COL5A2: variants seen among roughly 807,000 people sequenced by gnomAD.
COL5A2 encodes the protein collagen type V alpha 2 chain.
In COL5A2, 23 loss-of-function variants were observed where a neutral mutation model predicts 208.2. The observed-to-expected ratio is 0.11, with a 90% confidence interval of 0.08 to 0.16. The LOEUF (loss-of-function observed/expected upper bound fraction) is 0.16, where lower values mean the gene tolerates loss of function less well. Ranked by LOEUF, COL5A2 falls within the 10% of genes least tolerant of loss-of-function variation. The pLI is 1.00. For synonymous variants in COL5A2, 625 were observed against 628.5 expected (o/e 0.99, Z 0.08); for missense variants, 1,590 against 1,956.4 (o/e 0.81, Z 3.53).
At chr2:189,133,522 C>T (rs1486850169) in intron 1 of COL5A2, among the ~76,000 whole-genome samples, 1 of 152,074 alleles carries the variant, frequency 6.6e-6, no homozygotes, top group Non-Finnish European at 1.5e-5. Context: ...AACAGCATTG[C>T]ATTTACTTGG....
the COL5A2 span, among the ~76,000 whole-genome samples, chr2:189,259,553 C>A: frequency 3.3e-5 from 5 of 152,200 alleles, no homozygotes; most frequent in African/African-American, 1.2e-4. Context: ...TTCTTGATTA[C>A]AATAACAAAT....
intron 5 of COL5A2, 106 bp from the exon 6 acceptor site, chr2:189,097,436 TAATTC>T (rs1344175196): frequency 4.4e-6 from 5 of 1,136,814 alleles, no homozygotes; most frequent in Middle Eastern, 2.0e-4. Context: ...ATACCACACT[TAATTC>T]AGTTCAGTTG....
chr2:189,300,491 G>C, the COL5A2 span, among the ~76,000 whole-genome samples: 1 of 152,174 alleles, frequency 6.6e-6, no homozygotes, highest in African/African-American at 2.4e-5. Flanking sequence ...TTGTGTTTAG[G>C]ACAGCAAGAA....
At chr2:189,207,881 C>T (rs527639038) in intron 1 of COL5A2, among the ~76,000 whole-genome samples, 2 of 152,236 alleles carry the variant, frequency 1.3e-5, no homozygotes, top group Admixed American at 1.3e-4. Flanking sequence ...GTTTCTGTTC[C>T]TCTTGTTTCT....
At chr2:189,036,183 TGA>T (rs1279104870) in intron 52 of COL5A2, among the ~76,000 whole-genome samples, 1 of 152,076 alleles carries the variant, frequency 6.6e-6, no homozygotes, top group Non-Finnish European at 1.5e-5. Context: ...CTGGCAAAAC[TGA>T]GTCTCCAAAA....
At chr2:189,231,746 T>C in the COL5A2 span, among the ~76,000 whole-genome samples, 2 of 151,720 alleles carry the variant, frequency 1.3e-5, no homozygotes, top group Admixed American at 1.3e-4. Context: ...ATGTTTCTTA[T>C]AACTAAAGAA....
chr2:189,243,608 G>A, the COL5A2 span, among the ~76,000 whole-genome samples: 1 of 152,126 alleles, frequency 6.6e-6, no homozygotes, highest in Admixed American at 6.5e-5. Flanking sequence ...AGATTTGGGT[G>A]GGGACACAGA....
At chr2:189,338,952 G>T in the COL5A2 span, among the ~76,000 whole-genome samples, 1 of 151,900 alleles carries the variant, frequency 6.6e-6, no homozygotes, top group Non-Finnish European at 1.5e-5. Context: ...GCTCTCCCAG[G>T]TTCACACCCA....
At chr2:189,094,904 C>T (rs1464123723) in intron 6 of COL5A2, among the ~76,000 whole-genome samples, 1 of 151,404 alleles carries the variant, frequency 6.6e-6, no homozygotes, top group African/African-American at 2.4e-5. Flanking sequence ...GAACTACTGA[C>T]ATACTAGTTC....
At chr2:189,062,761 C>T in intron 29 of COL5A2, 104 bp downstream of exon 29, 1 of 1,318,528 alleles carries the variant, frequency 7.6e-7, no homozygotes, top group Non-Finnish European at 1.1e-6. Flanking sequence ...CATTCTTATT[C>T]ACTTTCCCTG....
At chr2:189,083,086 T>C (rs1686571838) in intron 12 of COL5A2, among the ~76,000 whole-genome samples, 1 of 152,156 alleles carries the variant, frequency 6.6e-6, no homozygotes. Context: ...CTGTTGATTG[T>C]ACTGAGTGGC....
At chr2:189,419,429 C>A in the COL5A2 span, among the ~76,000 whole-genome samples, 2 of 152,058 alleles carry the variant, frequency 1.3e-5, no homozygotes, top group Non-Finnish European at 2.9e-5. Flanking sequence ...TATTACAAAA[C>A]AAGTAGAACC....
the COL5A2 span, among the ~76,000 whole-genome samples, chr2:189,329,600 T>A: frequency 1.3e-5 from 2 of 152,176 alleles, no homozygotes; most frequent in Non-Finnish European, 2.9e-5. Flanking sequence ...ATATAATTTT[T>A]ATTTCTCAAT....
intron 1 of COL5A2, among the ~76,000 whole-genome samples, chr2:189,155,954 C>T (rs1366615899): frequency 2.0e-5 from 3 of 152,134 alleles, no homozygotes; most frequent in Non-Finnish European, 4.4e-5. Flanking sequence ...TTTTCAGAAC[C>T]AGAAGAGTGG....
chr2:189,067,169 C>T (rs1686173860), intron 21 of COL5A2, among the ~76,000 whole-genome samples: 1 of 152,106 alleles, frequency 6.6e-6, no homozygotes, highest in East Asian at 1.9e-4. Context: ...AACTTGTTTA[C>T]CCAGAATCAA....
the COL5A2 span, among the ~76,000 whole-genome samples, chr2:189,298,051 G>T: frequency 6.6e-6 from 1 of 152,124 alleles, no homozygotes; most frequent in Non-Finnish European, 1.5e-5. Context: ...TATGAGGACA[G>T]AATTTGACTG....
At chr2:189,359,324 A>G in the COL5A2 span, among the ~76,000 whole-genome samples, 1 of 152,064 alleles carries the variant, frequency 6.6e-6, no homozygotes. Flanking sequence ...GCATCTACTG[A>G]GATGATTGTT....
chr2:189,089,898 C>G (rs528690578), intron 7 of COL5A2, among the ~76,000 whole-genome samples: 2 of 152,224 alleles, frequency 1.3e-5, no homozygotes, highest in East Asian at 3.9e-4. Context: ...CTCTTCCTCT[C>G]CATGGGCCTC....
At chr2:189,305,498 G>C in the COL5A2 span, among the ~76,000 whole-genome samples, 1 of 152,146 alleles carries the variant, frequency 6.6e-6, no homozygotes, top group Non-Finnish European at 1.5e-5. Context: ...TCATTACCTT[G>C]GAAGCATTGA....
Sources: gnomAD v4.1 joint callset for allele counts (sites outside exome capture counted in the v4.1 genomes callset) on GRCh38, gnomAD v4.1.1 for gene constraint, MANE v1.5 for transcripts, NCBI Gene and HGNC (gene_info 2026-07-23, HGNC 2026-07-21) for gene names.